DOP1A: variants seen among roughly 807,000 people sequenced by gnomAD.
DOP1A encodes DOP1 leucine zipper like protein A.
Under a neutral mutation model 267.6 loss-of-function variants are expected in DOP1A, and 90 were observed. That is an observed-to-expected ratio of 0.34 (90% CI 0.28 to 0.40). The LOEUF is 0.40. Among genes scored for constraint, DOP1A ranks in the 10% least tolerant of loss-of-function variants. DOP1A has a pLI of 1.00. For missense variants in DOP1A, 2,437 were observed against 2,900.4 expected (o/e 0.84, Z 3.67); for synonymous variants, 932 against 999.1 (o/e 0.93, Z 1.27).
chr6:83,073,301 T>G (rs1785931040), intron 1 of DOP1A, among the ~76,000 whole-genome samples: 1 of 152,190 alleles, frequency 6.6e-6, no homozygotes, highest in Non-Finnish European at 1.5e-5. Context: ...TTGGCCAGGC[T>G]GGTCTCTATC....
chr6:83,135,987 G>A (rs1778809972), intron 20 of DOP1A, 109 bp downstream of exon 20: 1 of 1,330,436 alleles, frequency 7.5e-7, no homozygotes, highest in African/African-American at 1.5e-5. Flanking sequence ...TTTCTCCATG[G>A]GCTTATTTTC....
At chr6:83,068,570 A>G (rs574651533) in intron 1 of DOP1A, among the ~76,000 whole-genome samples, 1 of 152,376 alleles carries the variant, frequency 6.6e-6, no homozygotes, top group Non-Finnish European at 1.5e-5. Flanking sequence ...GTCAAAAAAA[A>G]TGATAATTAC....
At chr6:83,096,268 G>A (rs6934208) in intron 1 of DOP1A, among the ~76,000 whole-genome samples, 98,567 of 150,476 alleles carry the variant, frequency 0.66, 33,699 homozygotes, top group Middle Eastern at 0.78. Context: ...TTTTTTTAGA[G>A]ACAGGATCTC....
chr6:83,083,684 T>A (rs1178360013), intron 1 of DOP1A, among the ~76,000 whole-genome samples: 1 of 152,228 alleles, frequency 6.6e-6, no homozygotes, highest in East Asian at 1.9e-4. Flanking sequence ...TATCATCATC[T>A]TGAGTAATAC....
chr6:83,116,405 A>G (rs913710812), intron 7 of DOP1A, among the ~76,000 whole-genome samples: 1 of 152,220 alleles, frequency 6.6e-6, no homozygotes, highest in African/African-American at 2.4e-5. Flanking sequence ...ATTGTACAAT[A>G]CCAATCATGT....
chr6:83,084,757 A>ATT (rs78069437), intron 1 of DOP1A, among the ~76,000 whole-genome samples: 5 of 131,500 alleles, frequency 3.8e-5, no homozygotes, highest in Non-Finnish European at 8.3e-5. Flanking sequence ...TAATTTTTGT[A>ATT]TTTTTTTTTT....
At chr6:83,082,696 A>G (rs544913087) in intron 1 of DOP1A, among the ~76,000 whole-genome samples, 15 of 152,356 alleles carry the variant, frequency 9.8e-5, no homozygotes, top group African/African-American at 3.6e-4. Flanking sequence ...GCATTTGTTA[A>G]TTAGCTACAT....
At chr6:83,152,771 C>A (rs1781963847) in intron 30 of DOP1A, among the ~76,000 whole-genome samples, 1 of 151,958 alleles carries the variant, frequency 6.6e-6, no homozygotes, top group South Asian at 2.1e-4. Flanking sequence ...GTGTGTGCCA[C>A]AATGCCCAGC....
intron 33 of DOP1A, among the ~76,000 whole-genome samples, chr6:83,155,122 C>G (rs1490361967): frequency 2.0e-5 from 3 of 151,986 alleles, no homozygotes; most frequent in Non-Finnish European, 4.4e-5. Flanking sequence ...AGAAGCCAAC[C>G]ATGAGAAGGC....
chr6:83,113,231 A>G (rs1362236614), intron 6 of DOP1A, 92 bp from the exon 7 acceptor site: 4 of 849,292 alleles, frequency 4.7e-6, no homozygotes, highest in East Asian at 5.0e-5. Context: ...CCTCAGAAGC[A>G]TACTTTCGAG....
In DOP1A at chr6:83,154,059, A is replaced by G; in HGVS notation, c.6389+16A>G. 1 of 1,613,688 alleles carries G rather than the reference A, an allele frequency of 6.2e-7. No homozygotes were observed. The highest frequency in any genetic ancestry group is 2.2e-5 in the East Asian group (1 of 44,856). Reference sequence around the variant, plus strand: ...GTGTTAATCAGTAAGTTGCCCTCTTATTTGTATTCAGCATGATGCACCTCA... The same window carrying G: ...GTGTTAATCAGTAAGTTGCCCTCTTGTTTGTATTCAGCATGATGCACCTCA... On this transcript the variant is annotated intron_variant, in intron 32 of 38. Transcript: ENST00000349129.
intron 1 of DOP1A, among the ~76,000 whole-genome samples, chr6:83,094,776 GTC>G (rs1175359325): frequency 1.3e-5 from 2 of 152,108 alleles, no homozygotes. Context: ...TCTAGTTTAA[GTC>G]TCATCAGATA....
At chr6:83,122,200 C>T in intron 11 of DOP1A, 150 bp downstream of exon 11, 1 of 795,188 alleles carries the variant, frequency 1.3e-6, no homozygotes, top group Non-Finnish European at 1.9e-6. Flanking sequence ...TGATTTAATA[C>T]TGACATACTA....
chr6:83,141,468 CAT>C (rs1172147950), intron 23 of DOP1A, among the ~76,000 whole-genome samples: 1 of 152,132 alleles, frequency 6.6e-6, no homozygotes, highest in African/African-American at 2.4e-5. Flanking sequence ...CAAGGGAACA[CAT>C]AGGGAAGTGG....
intron 1 of DOP1A, among the ~76,000 whole-genome samples, chr6:83,085,344 T>A (rs1016787317): frequency 1.3e-5 from 2 of 152,170 alleles, no homozygotes; most frequent in Non-Finnish European, 2.9e-5. Flanking sequence ...CATTGAGAGA[T>A]GATAGACAGG....
intron 30 of DOP1A, among the ~76,000 whole-genome samples, chr6:83,152,944 C>T (rs1782014183): frequency 6.6e-6 from 1 of 152,066 alleles, no homozygotes; most frequent in Admixed American, 6.6e-5. Context: ...TGATCTAAAG[C>T]CTGCCACTAT....
intron 1 of DOP1A, among the ~76,000 whole-genome samples, chr6:83,083,948 A>T (rs1011233278): frequency 6.6e-6 from 1 of 152,250 alleles, no homozygotes; most frequent in Admixed American, 6.5e-5. Context: ...CTGATTTTAT[A>T]GCATTCAGAG....
chr6:83,120,721 A>G lies in DOP1A; in HGVS notation c.1029A>G (p.Glu343=). 1 of 1,587,322 alleles carries G rather than the reference A, an allele frequency of 6.3e-7. No homozygotes were observed. Among genetic ancestry groups the G allele is most frequent in the African/African-American group, 1.3e-5 (1 of 74,824 alleles). Residue 343 remains glutamate, a synonymous_variant, in exon 10 of 39, where the codon GAA becomes GAG. Transcript: ENST00000349129. The part of the protein sequence containing the change: ...VGILQVNGFG[E]ENTLMQDLKP... ...TCTTACAAGTGAATGGATTTGGAGA[A>G]GAGAACACTCTAATGCAGGATCTAA... is the stretch of plus-strand genomic sequence containing the variant.
intron 25 of DOP1A, 59 bp downstream of exon 25, chr6:83,145,717 A>G: frequency 6.4e-7 from 1 of 1,565,526 alleles, no homozygotes; most frequent in Non-Finnish European, 8.7e-7. Flanking sequence ...TTATGCTGGT[A>G]AGATTTTTTT....
Sources: allele counts gnomAD v4.1 joint callset (sites outside exome capture counted in the v4.1 genomes callset), GRCh38; gene constraint gnomAD v4.1.1; transcripts MANE v1.5; gene names NCBI Gene and HGNC (gene_info 2026-07-23, HGNC 2026-07-21).